The following CES3 variants were observed in gnomAD, a reference collection of about 807,000 sequenced individuals.
CES3 encodes carboxylesterase 3 (brain).
Under a neutral mutation model 57.6 loss-of-function variants are expected in CES3, and 49 were observed. That is an observed-to-expected ratio of 0.85 (90% CI 0.68 to 1.08). The LOEUF (loss-of-function observed/expected upper bound fraction) is 1.08, where lower values mean the gene tolerates loss of function less well. Ranked by LOEUF, CES3 falls within the 50% of genes least tolerant of loss-of-function variation. The pLI, the probability that CES3 is intolerant of heterozygous loss-of-function variation, is 0.00. For synonymous variants in CES3, 266 were observed against 281.6 expected, an observed-to-expected ratio of 0.94 and a Z score of 0.55; for missense variants, 645 against 742.0, an observed-to-expected ratio of 0.87 and a Z score of 1.52.
intron 1 of CES3, among the ~76,000 whole-genome samples, chr16:66,962,683 G>A (rs1282774780): frequency 1.3e-5 from 2 of 152,218 alleles, no homozygotes; most frequent in Non-Finnish European, 2.9e-5. Context: ...GATTACTTGA[G>A]GTCAGGAGTT....
At chr16:66,967,514 G>C (rs1963751999) in intron 8 of CES3, 1 of 985,312 alleles carries the variant, frequency 1.0e-6, no homozygotes, top group Non-Finnish European at 1.2e-6. Context: ...AAACTCTCAG[G>C]TTTTAGATAT....
In CES3 at chr16:66,972,291, G is replaced by A. The variant is rs1166949230; in HGVS notation, c.1292-65G>A. 7 of 1,449,590 alleles carry A rather than the reference G, an allele frequency of 4.8e-6. No individual in the cohort carries two copies. The East Asian group carries it at 7.1e-5, about 15-fold the overall frequency. 89.8% of individuals were successfully genotyped at this position (1,449,590 alleles called of 1,614,324 possible). A position where few individuals can be genotyped will look rare whatever the true frequency, so the allele number is the denominator to read the frequency against. On this transcript the variant is annotated intron_variant, in intron 10 of 12. Coordinates refer to ENST00000303334, the MANE Select transcript of CES3 (RefSeq NM_024922.6). ...GAAATTGGTGTTATTATGAGCATGT[G>A]CTGCCAAAGGCAGCATCGAATCAGG...
In CES3 at chr16:66,973,165, G is replaced by A; in HGVS notation, c.*116G>A. 1 of 903,736 alleles carries A rather than the reference G, an allele frequency of 1.1e-6. No individual in the cohort carries two copies. The highest frequency in any genetic ancestry group is 1.7e-6 in the Non-Finnish European group (1 of 597,048). 56.0% of individuals were successfully genotyped at this position (903,736 alleles called of 1,614,324 possible). A position where few individuals can be genotyped will look rare whatever the true frequency, so the allele number is the denominator to read the frequency against. On this transcript the variant is annotated 3_prime_UTR_variant, in exon 13 of 13. Coordinates refer to ENST00000303334, the MANE Select transcript of CES3 (RefSeq NM_024922.6). ...ACTTTAATCTCCACCAGCCCTTAAAGTGTCGGCCGCTCTGTGACTGGAGTT... is the reference window on the plus strand; with the variant it reads ...ACTTTAATCTCCACCAGCCCTTAAAATGTCGGCCGCTCTGTGACTGGAGTT...
In CES3 at chr16:66,969,715, CG is replaced by C; in HGVS notation, c.1102del (p.Glu368ArgfsTer11). ...CCTGGATACAATGGAGCAGATGAGC[CG>C]GGAGGACATGCTGGCCATCTCAACA... ...GLLDTMEQMSREDMLAISTPV... is the reference protein window; with the variant it reads ...GLLDTMEQMSXEDMLAISTPV... On this transcript the variant is annotated frameshift_variant, in exon 9 of 13. Transcript: ENST00000303334. LOFTEE classifies it high-confidence loss of function. 6.2e-7 allele frequency: 1 copy of C among 1,613,280 alleles called. No individual in the cohort carries two copies. Among genetic ancestry groups the C allele is most frequent in the Non-Finnish European group, 8.5e-7 (1 of 1,179,712 alleles).
chr16:66,972,270 T>A, intron 10 of CES3, 86 bp from the exon 11 acceptor site: 2 of 1,257,926 alleles, frequency 1.6e-6, no homozygotes, highest in South Asian at 3.8e-5. Context: ...ATCATGGAAA[T>A]TGGTGTTATT....
rs56387824 is a variant in CES3, at chr16:66,975,100, C to T, written c.*2051C>T. 0.055 allele frequency: 8,382 copies of T among 152,306 alleles called. 424 individuals carry two copies. The highest frequency in any genetic ancestry group is 0.23 in the East Asian group (1,178 of 5,168). The allele number at this position is 152,306 out of a possible 1,614,324, so 9.4% of individuals were successfully genotyped here. On this transcript the variant is annotated 3_prime_UTR_variant, in exon 13 of 13. Transcript: ENST00000303334. ...ACCCCCCTCGGGTCCCCTCCCACGC[C>T]GTGGAAGCTTTGTTCTTTCGCTCTT...
chr16:66,969,708 G>A lies in CES3; in HGVS notation c.1092G>A (p.Gln364=). 1 of 1,613,506 alleles carries A rather than the reference G, an allele frequency of 6.2e-7. No homozygotes were observed. Among genetic ancestry groups the A allele is most frequent in the Non-Finnish European group, 8.5e-7 (1 of 1,179,786 alleles). ...GGGGTCTCCTGGATACAATGGAGCA[G>A]ATGAGCCGGGAGGACATGCTGGCCA... ...RGWGLLDTME[Q]MSREDMLAIS... is the part of the protein sequence containing the mutation. The change falls in exon 9 of 13, where the codon CAG becomes CAA. Residue 364 remains glutamine, a synonymous_variant. Coordinates refer to ENST00000303334, the MANE Select transcript of CES3 (RefSeq NM_024922.6).
At position 66,973,445 on chromosome 16, in the gene CES3, T is replaced by G. The variant is rs1437131943; in HGVS notation, c.*396T>G. The stretch of plus-strand genomic sequence containing the variant: ...GTGTCTGTCTCCCCCTCAGAGGAGC[T>G]CTCTCAAAATGGGGATTAGCCTAAC... On this transcript the variant is annotated 3_prime_UTR_variant, in exon 13 of 13. Coordinates refer to ENST00000303334, the MANE Select transcript of CES3 (RefSeq NM_024922.6). 5.7e-6 allele frequency: 1 copy of G among 174,842 alleles called. No individual in the cohort carries two copies. The highest frequency in any genetic ancestry group is 1.2e-5 in the Non-Finnish European group (1 of 81,602). 10.8% of individuals were successfully genotyped at this position (174,842 alleles called of 1,614,324 possible).
At position 66,961,399 on chromosome 16, in the gene CES3, A is replaced by G; in HGVS notation, c.82+10A>G. 1.2e-6 allele frequency: 2 copies of G among 1,608,936 alleles called. No homozygotes were observed. The highest frequency in any genetic ancestry group is 1.7e-6 in the Non-Finnish European group (2 of 1,177,200). On this transcript the variant is annotated intron_variant, in intron 1 of 12. Transcript: ENST00000303334. Reference sequence around the variant, plus strand: ...CCTGCCACAGCCACTGGTAAGACACACCTGCTGGGCCTGCAGAGGTACTTG... The same window carrying G: ...CCTGCCACAGCCACTGGTAAGACACGCCTGCTGGGCCTGCAGAGGTACTTG...
In CES3 at chr16:66,973,558, A is replaced by C. The variant is rs781056575; in HGVS notation, c.*509A>C. ...AGTGAGTGAAACACAGAATATGGGA[A>C]TGGCAGCTGCTGAACTTGAACCCAG... On this transcript the variant is annotated 3_prime_UTR_variant, in exon 13 of 13. Transcript: ENST00000303334. 23 of 154,766 alleles carry C rather than the reference A, an allele frequency of 1.5e-4. No homozygotes were observed. The highest frequency in any genetic ancestry group is 3.2e-4 in the Non-Finnish European group (22 of 69,768). The allele number at this position is 154,766 out of a possible 1,614,324, so 9.6% of individuals were successfully genotyped here. A position where few individuals can be genotyped will look rare whatever the true frequency, so the allele number is the denominator to read the frequency against.
intron 7 of CES3, 120 bp downstream of exon 7, chr16:66,966,465 G>C: frequency 9.7e-7 from 1 of 1,032,812 alleles, no homozygotes; most frequent in Non-Finnish European, 1.4e-6. Context: ...AGCTCATGAG[G>C]GGAAGGGGCT....
chr16:66,967,105 C>T (rs1963744689), intron 8 of CES3, among the ~76,000 whole-genome samples: 3 of 151,686 alleles, frequency 2.0e-5, no homozygotes, highest in Admixed American at 6.6e-5. Context: ...GTTTTTGAGA[C>T]AGAGTCTCGC....
rs113184828 is a variant in CES3 at position 66,964,467 on chromosome 16, C to T, written c.671C>T (p.Thr224Ile). The T allele has an allele frequency of 4.2e-3, 6,719 of 1,614,150 alleles. 19 individuals carry two copies. The highest frequency in any genetic ancestry group is 5.2e-3 in the Non-Finnish European group (6,117 of 1,179,986). Residue 224 changes from threonine (T) to isoleucine (I), a missense_variant, in exon 5 of 13, where the codon ACT (threonine) becomes ATT (isoleucine). By Grantham distance (89) the Thr-to-Ile change is moderately conservative. Coordinates refer to ENST00000303334, the MANE Select transcript of CES3 (RefSeq NM_024922.6). ...APFGGDLNCV[T>I]VFGGSAGGSI... The stretch of plus-strand genomic sequence containing the variant: ...TTCGGGGGTGACCTCAACTGTGTCA[C>T]TGTCTTTGGTGGATCTGCCGGTGGG...
chr16:66,966,124 G>A lies in CES3; in HGVS notation c.820-120G>A. ...TGACAAGTCTGTGACCAGTCTCGAGGCCGATCTGTGACATCACATCCAGCT... is the reference window on the plus strand; with the variant it reads ...TGACAAGTCTGTGACCAGTCTCGAGACCGATCTGTGACATCACATCCAGCT... On this transcript the variant is annotated intron_variant, in intron 6 of 12. Coordinates refer to ENST00000303334, the MANE Select transcript of CES3 (RefSeq NM_024922.6). The A allele has an allele frequency of 4.6e-6, 4 of 864,028 alleles. No individual in the cohort carries two copies. The South Asian group carries it at 4.8e-5, about 10-fold the overall frequency. The allele number at this position is 864,028 out of a possible 1,614,324, so 53.5% of individuals were successfully genotyped here. A position where few individuals can be genotyped will look rare whatever the true frequency, so the allele number is the denominator to read the frequency against.
At chr16:66,965,624 TG>T (rs1963718767) in intron 6 of CES3, among the ~76,000 whole-genome samples, 1 of 152,170 alleles carries the variant, frequency 6.6e-6, no homozygotes, top group South Asian at 2.1e-4. Flanking sequence ...CCTCTCCCCA[TG>T]GCCAGGAGAG....
intron 8 of CES3, chr16:66,967,757 GT>G: frequency 1.0e-6 from 1 of 979,704 alleles, no homozygotes; most frequent in Non-Finnish European, 1.2e-6. Context: ...TGTTGTTGTT[GT>G]TTGTGTGTTT....
At position 66,973,194 on chromosome 16, in the gene CES3, C is replaced by T. The variant is rs1246832934; in HGVS notation, c.*145C>T. ...CGGCCGCTCTGTGACTGGAGTTATG[C>T]TCTTTTGAAATGTCACAAGGCCGCC... is the stretch of plus-strand genomic sequence containing the variant. On this transcript the variant is annotated 3_prime_UTR_variant, in exon 13 of 13. Coordinates refer to ENST00000303334, the MANE Select transcript of CES3 (RefSeq NM_024922.6). The T allele has an allele frequency of 2.8e-6, 2 of 723,816 alleles. No individual in the cohort carries two copies. Among genetic ancestry groups the T allele is most frequent in the African/African-American group, 3.6e-5 (2 of 55,964 alleles). The allele number at this position is 723,816 out of a possible 1,614,324, so 44.8% of individuals were successfully genotyped here. A position where few individuals can be genotyped will look rare whatever the true frequency, so the allele number is the denominator to read the frequency against.
Position 66,973,140 on chromosome 16 carries a change from A to G in CES3, c.*91A>G. 8.6e-7 allele frequency: 1 copy of G among 1,157,578 alleles called. No homozygotes were observed. The highest frequency in any genetic ancestry group is 1.2e-6 in the Non-Finnish European group (1 of 811,172). The allele number at this position is 1,157,578 out of a possible 1,614,324, so 71.7% of individuals were successfully genotyped here. ...GCAGCCCGCCTCTCCCCCTGCTGAG[A>G]CTTTAATCTCCACCAGCCCTTAAAG... is the stretch of plus-strand genomic sequence containing the variant. On this transcript the variant is annotated 3_prime_UTR_variant, in exon 13 of 13. Transcript: ENST00000303334.
In CES3 at chr16:66,973,363, G is replaced by C. The variant is rs1963877416; in HGVS notation, c.*314G>C. 1 of 291,990 alleles carries C rather than the reference G, an allele frequency of 3.4e-6. No individual in the cohort carries two copies. The highest frequency in any genetic ancestry group is 6.5e-6 in the Non-Finnish European group (1 of 152,800). The allele number at this position is 291,990 out of a possible 1,614,324, so 18.1% of individuals were successfully genotyped here. ...GCCTTCCCTGCCTTCTCTGGGCTGT[G>C]CGGCCCCGAGTCTGCGTCCATTAGA... On this transcript the variant is annotated 3_prime_UTR_variant, in exon 13 of 13. Coordinates refer to ENST00000303334, the MANE Select transcript of CES3 (RefSeq NM_024922.6).
Sources: gnomAD v4.1 joint callset for allele counts (sites outside exome capture counted in the v4.1 genomes callset) on GRCh38, gnomAD v4.1.1 for gene constraint, MANE v1.5 for transcripts, NCBI Gene and HGNC (gene_info 2026-07-23, HGNC 2026-07-21) for gene names.